CDH4: variants seen among roughly 807,000 people sequenced by gnomAD.
The protein encoded by CDH4 is cadherin-4.
In CDH4, 33 loss-of-function variants were observed where a neutral mutation model predicts 86.0. That is an observed-to-expected ratio of 0.38 (90% CI 0.29 to 0.51). The LOEUF is 0.51. Among genes scored for constraint, CDH4 ranks in the 20% least tolerant of loss-of-function variants. The pLI, the probability that CDH4 is intolerant of heterozygous loss-of-function variation, is 0.86. For missense variants in CDH4, 1,114 were observed against 1,307.4 expected (o/e 0.85, Z 2.28); for synonymous variants, 555 against 549.4 (o/e 1.01, Z -0.14).
intron 9 of CDH4, among the ~76,000 whole-genome samples, chr20:61,920,963 A>C (rs1170847584): frequency 7.9e-6 from 1 of 126,268 alleles, no homozygotes; most frequent in Non-Finnish European, 1.6e-5. Flanking sequence ...GCATGGAAGC[A>C]TGTCATGGTG....
At chr20:61,878,034 C>A (rs533146096) in intron 7 of CDH4, among the ~76,000 whole-genome samples, 1 of 152,010 alleles carries the variant, frequency 6.6e-6, no homozygotes, top group African/African-American at 2.4e-5. Flanking sequence ...CACAGACGGG[C>A]GTGGTCATCC....
At chr20:61,831,046 C>T (rs1451860977) in intron 4 of CDH4, among the ~76,000 whole-genome samples, 1 of 152,120 alleles carries the variant, frequency 6.6e-6, no homozygotes, top group Admixed American at 6.5e-5. Context: ...TCTCGCCCCT[C>T]CTGGAGGCAC....
At chr20:61,767,733 G>C (rs1255188943) in intron 3 of CDH4, among the ~76,000 whole-genome samples, 1 of 152,174 alleles carries the variant, frequency 6.6e-6, no homozygotes, top group Non-Finnish European at 1.5e-5. Flanking sequence ...GAAGAGGAGG[G>C]AGCACAGGAG....
At chr20:61,822,264 T>A (rs1053415992) in intron 4 of CDH4, among the ~76,000 whole-genome samples, 7 of 152,234 alleles carry the variant, frequency 4.6e-5, no homozygotes, top group African/African-American at 1.7e-4. Context: ...CTTTGTCATT[T>A]ATTCATTTTA....
rs1341971883 is a variant in CDH4 at position 61,902,391 on chromosome 20, G to A, written c.1188+7344G>A. Among the ~76,000 whole-genome samples the A allele has an allele frequency of 1.3e-5, 2 of 152,356 alleles. No homozygotes were observed. The highest frequency in any genetic ancestry group is 4.8e-5 in the African/African-American group (2 of 41,592). On this transcript the variant is annotated intron_variant, in intron 8 of 15. Coordinates refer to ENST00000614565, the MANE Select transcript of CDH4 (RefSeq NM_001794.5). The surrounding 1 kb of genome is among the most constrained non-coding windows in gnomAD (Gnocchi z 4.6). ...CCCTAAATGCCAGCCATGCCCTGGG[G>A]CACGCGGTCACCACCCCGCAGAACC...
intron 2 of CDH4, among the ~76,000 whole-genome samples, chr20:61,347,965 A>G (rs1168415694): frequency 6.6e-6 from 1 of 152,240 alleles, no homozygotes; most frequent in African/African-American, 2.4e-5. Context: ...GGTTAAAGGG[A>G]AGAGTGGAAA....
intron 2 of CDH4, among the ~76,000 whole-genome samples, chr20:61,279,891 C>T (rs2084249549): frequency 6.6e-6 from 1 of 152,120 alleles, no homozygotes; most frequent in Admixed American, 6.5e-5. Flanking sequence ...GCCTGCCCTG[C>T]TTGAAGATAC....
intron 2 of CDH4, among the ~76,000 whole-genome samples, chr20:61,696,150 A>G (rs2087712708): frequency 6.6e-6 from 1 of 152,202 alleles, no homozygotes; most frequent in South Asian, 2.1e-4. Flanking sequence ...GCCAGGCTGG[A>G]TTGTGGGCCC....
chr20:61,750,838 A>G (rs2088483944), intron 3 of CDH4, among the ~76,000 whole-genome samples: 1 of 152,234 alleles, frequency 6.6e-6, no homozygotes, highest in African/African-American at 2.4e-5. Flanking sequence ...CCAGGGATAA[A>G]TCCTTAGAAA....
chr20:61,893,141 T>C (rs1482710533), intron 7 of CDH4, among the ~76,000 whole-genome samples: 2 of 67,676 alleles, frequency 3.0e-5, no homozygotes, highest in South Asian at 5.7e-4. Flanking sequence ...GAGGGATAGA[T>C]GGACGAGTGG....
chr20:61,829,276 G>A lies in CDH4; in HGVS notation c.577-15392G>A, dbSNP rs1449585698. On this transcript the variant is annotated intron_variant, in intron 4 of 15. Coordinates refer to ENST00000614565, the MANE Select transcript of CDH4 (RefSeq NM_001794.5). The surrounding 1 kb of genome is among the most constrained non-coding windows in gnomAD (Gnocchi z 4.2). ...GAGGTATTATGTGGGGTTTGTGTCCGGCTTCTTTCGCTGAGCATAATGTTT... is the reference window on the plus strand; with the variant it reads ...GAGGTATTATGTGGGGTTTGTGTCCAGCTTCTTTCGCTGAGCATAATGTTT... 5.3e-5 allele frequency among the ~76,000 whole-genome samples: 8 copies of A among 152,332 alleles called. No homozygotes were observed. Among genetic ancestry groups the A allele is most frequent in the Non-Finnish European group, 1.2e-4 (8 of 68,028 alleles).
intron 2 of CDH4, among the ~76,000 whole-genome samples, chr20:61,453,875 T>C (rs933156542): frequency 3.3e-5 from 5 of 152,060 alleles, no homozygotes; most frequent in Admixed American, 1.3e-4. Flanking sequence ...CTCCTGATAG[T>C]GAGCGAGTTC....
intron 2 of CDH4, among the ~76,000 whole-genome samples, chr20:61,328,725 G>A (rs1157985969): frequency 6.6e-6 from 1 of 152,176 alleles, no homozygotes; most frequent in African/African-American, 2.4e-5. Flanking sequence ...GGTTGAGGCT[G>A]CAGTGAGCCC....
At chr20:61,507,285 C>A (rs1221866982) in intron 2 of CDH4, among the ~76,000 whole-genome samples, 1 of 152,188 alleles carries the variant, frequency 6.6e-6, no homozygotes, top group East Asian at 1.9e-4. Flanking sequence ...GCGCAGCCAT[C>A]TTGATTATAA....
chr20:61,789,480 T>C (rs1979050576), intron 4 of CDH4, among the ~76,000 whole-genome samples: 1 of 152,132 alleles, frequency 6.6e-6, no homozygotes, highest in Admixed American at 6.5e-5. Context: ...GGGCCAGCAG[T>C]CACACCCTGC....
intron 2 of CDH4, among the ~76,000 whole-genome samples, chr20:61,597,101 G>C (rs1044853634): frequency 3.3e-5 from 5 of 152,262 alleles, no homozygotes; most frequent in African/African-American, 1.2e-4. Context: ...CTGCAACTGT[G>C]CTGGGAGATG....
chr20:61,901,732 G>A (rs2054729142), intron 8 of CDH4, among the ~76,000 whole-genome samples: 1 of 152,260 alleles, frequency 6.6e-6, no homozygotes, highest in Non-Finnish European at 1.5e-5. Context: ...ACGCTTCTGA[G>A]TAAGCGGCAG....
rs1277358506 is a variant in CDH4 at position 61,269,927 on chromosome 20, C to A, written c.169+14990C>A. Among the ~76,000 whole-genome samples the A allele has an allele frequency of 1.3e-5, 2 of 152,244 alleles. No individual in the cohort carries two copies. Among genetic ancestry groups the A allele is most frequent in the Non-Finnish European group, 2.9e-5 (2 of 68,042 alleles). On this transcript the variant is annotated intron_variant, in intron 2 of 15. Transcript: ENST00000614565. The surrounding 1 kb of genome is among the most constrained non-coding windows in gnomAD (Gnocchi z 5.3). ...GACCTTAAGCTCCCCTGACCAATCT[C>A]CTCCAGAATCTGGCCCCCAGATGTG...
chr20:61,329,846 C>A (rs1158652331), intron 2 of CDH4, among the ~76,000 whole-genome samples: 3 of 98,512 alleles, frequency 3.0e-5, no homozygotes, highest in African/African-American at 1.2e-4. Flanking sequence ...CTCCCTCCCC[C>A]CCACCCCATC....
Sources: allele counts gnomAD v4.1 joint callset (sites outside exome capture counted in the v4.1 genomes callset), GRCh38; gene constraint gnomAD v4.1.1; non-coding constraint Gnocchi (gnomAD v3.1); transcripts MANE v1.5; gene names NCBI Gene and HGNC (gene_info 2026-07-23, HGNC 2026-07-21).